Variants in APEH observed in about 807,000 individuals in gnomAD.
The protein encoded by APEH is acylaminoacyl-peptide hydrolase.
APEH carries 75 observed loss-of-function variants against 102.7 expected under a neutral mutation model. The ratio of observed to expected loss-of-function variants is 0.73; its 90% CI spans 0.61 to 0.89. The LOEUF is 0.89. Among genes scored for constraint, APEH ranks in the 40% least tolerant of loss-of-function variants. APEH has a pLI of 0.00. For missense variants in APEH, 863 were observed against 941.2 expected (o/e 0.92, Z 1.09); for synonymous variants, 344 against 362.7 (o/e 0.95, Z 0.59).
At position 49,677,043 on chromosome 3, in the gene APEH, G is replaced by A. The variant is rs1461460031; in HGVS notation, c.999+19G>A. The A allele has an allele frequency of 2.5e-6, 4 of 1,613,770 alleles. No individual in the cohort carries two copies. The highest frequency in any genetic ancestry group is 1.3e-5 in the African/African-American group (1 of 74,944). On this transcript the variant is annotated intron_variant, in intron 10 of 21. Coordinates refer to ENST00000296456, the MANE Select transcript of APEH (RefSeq NM_001640.4). ...GTGCCTGGTGAGCTGGAGGTGGCAG[G>A]GATGGGAGGGTGGTCAGCAAGAAGA... is the stretch of plus-strand genomic sequence containing the variant.
chr3:49,681,544 G>C (rs572062070), intron 15 of APEH, among the ~76,000 whole-genome samples, 178 bp from the exon 16 acceptor site: 1 of 152,220 alleles, frequency 6.6e-6, no homozygotes, highest in Non-Finnish European at 1.5e-5. Context: ...GCTGCAGGAT[G>C]GGGTTCCCTG....
rs1468191985 is a variant in APEH at position 49,682,528 on chromosome 3, C to T, written c.1693-18C>T. ...TGAGCGGGCAGCTGGCTGCAGCATG[C>T]TTTGTCCCACCCTGCAGTTTGCAGT... On this transcript the variant is annotated intron_variant, in intron 18 of 21. Transcript: ENST00000296456. The T allele has an allele frequency of 1.2e-6, 2 of 1,613,682 alleles. No homozygotes were observed. Among genetic ancestry groups the T allele is most frequent in the African/African-American group, 2.7e-5 (2 of 74,930 alleles).
chr3:49,683,637 A>AGTG lies in APEH; in HGVS notation c.*296_*298dup, dbSNP rs767889411. 9 of 480,824 alleles carry AGTG rather than the reference A, an allele frequency of 1.9e-5. No individual in the cohort carries two copies. Among genetic ancestry groups the AGTG allele is most frequent in the East Asian group, 1.6e-4 (4 of 24,920 alleles). 29.8% of individuals were successfully genotyped at this position (480,824 alleles called of 1,614,324 possible). A position where few individuals can be genotyped will look rare whatever the true frequency, so the allele number is the denominator to read the frequency against. On this transcript the variant is annotated 3_prime_UTR_variant, in exon 22 of 22. Coordinates refer to ENST00000296456, the MANE Select transcript of APEH (RefSeq NM_001640.4). ...CCTCCAGTGTGAGAAGGGAGGGAAC[A>AGTG]GTGAGAGGCTTAGCCTCTGCCTGTC...
At chr3:49,680,503 G>A in intron 13 of APEH, 38 bp from the exon 14 acceptor site, 2 of 1,557,218 alleles carry the variant, frequency 1.3e-6, no homozygotes, top group Non-Finnish European at 1.8e-6. Context: ...AAAGGTGATG[G>A]CTCCTGCTAA....
At chr3:49,677,433 C>A in intron 10 of APEH, 140 bp from the exon 11 acceptor site, 1 of 810,316 alleles carries the variant, frequency 1.2e-6, no homozygotes, top group South Asian at 1.5e-5. Flanking sequence ...TCCAGGTCAC[C>A]AGAAAAGAGA....
chr3:49,681,685 T>A (rs1378919227), intron 15 of APEH, 37 bp from the exon 16 acceptor site: 1 of 1,501,804 alleles, frequency 6.7e-7, no homozygotes, highest in Non-Finnish European at 9.0e-7. Context: ...GGGAAGCCCC[T>A]AGGCTCACCC....
Position 49,679,596 on chromosome 3 carries a change from C to G in APEH, c.1162C>G (p.Leu388Val), listed in dbSNP as rs1164777072. 2.5e-6 allele frequency: 4 copies of G among 1,613,786 alleles called. No individual in the cohort carries two copies. Among genetic ancestry groups the G allele is most frequent in the Non-Finnish European group, 3.4e-6 (4 of 1,179,854 alleles). The part of the protein sequence containing the change: ...FDSAQRSRQD[L>V]FAVDTQVGTV... ...TGTGGCCTTGCCTCTGCTTCAGGACCTGTTTGCTGTGGACACCCAAGTGGG... is the reference window on the plus strand; with the variant it reads ...TGTGGCCTTGCCTCTGCTTCAGGACGTGTTTGCTGTGGACACCCAAGTGGG... The change falls in exon 13 of 22, where the codon CTG becomes GTG. Residue 388 changes from leucine (L) to valine (V), a missense_variant. Leu to Val is a conservative substitution (Grantham distance 32). Coordinates refer to ENST00000296456, the MANE Select transcript of APEH (RefSeq NM_001640.4). This position sits in a 1 kb window ranked among gnomAD's most constrained non-coding sequence, Gnocchi z 4.3.
Position 49,677,621 on chromosome 3 carries a change from C to G in APEH, c.1048C>G (p.Arg350Gly), listed in dbSNP as rs755624130. Residue 350 changes from arginine (R) to glycine (G), a missense_variant, in exon 11 of 22, where the codon CGG becomes GGG. Transcript: ENST00000296456. ...CTCAGTGGTGGTAGATGTTGTGCCT[C>G]GGCAGCTGGGAGGTAAGGCATACCT... ...VTSVVVDVVPRQLGENFSGIY... is the reference protein window; with the variant it reads ...VTSVVVDVVPGQLGENFSGIY... 1.2e-6 allele frequency: 2 copies of G among 1,613,628 alleles called. No homozygotes were observed. Among genetic ancestry groups the G allele is most frequent in the African/African-American group, 1.3e-5 (1 of 74,910 alleles).
intron 2 of APEH, 87 bp downstream of exon 2, chr3:49,674,708 G>A: frequency 6.6e-7 from 1 of 1,513,086 alleles, no homozygotes. Flanking sequence ...CTGCTTGACA[G>A]TGCGTAAGGG....
At chr3:49,674,658 C>A in intron 2 of APEH, 37 bp downstream of exon 2, 1 of 1,581,056 alleles carries the variant, frequency 6.3e-7, no homozygotes, top group South Asian at 1.1e-5. Context: ...GCGACGGGGT[C>A]GCGCACTGGG....
chr3:49,681,070 C>T, intron 14 of APEH, 31 bp from the exon 15 acceptor site: 11 of 1,533,428 alleles, frequency 7.2e-6, no homozygotes, highest in Non-Finnish European at 9.7e-6. Flanking sequence ...GGCAGCCAGG[C>T]CACCTATGAC....
rs763370321 is a variant in APEH, at chr3:49,678,977, CAGCCCCTGTGGTCAACCCCCAGG to C, written c.1158+34_1158+56del. On this transcript the variant is annotated intron_variant, in intron 12 of 21. Transcript: ENST00000296456. ...GAGGGACGCTGATTGTGTTGAGGGG[CAGCCCCTGTGGTCAACCCCCAGG>C]AGCCCTGGGGGTTGCATGTGCATGC... 3 of 1,591,448 alleles carry C rather than the reference CAGCCCCTGTGGTCAACCCCCAGG, an allele frequency of 1.9e-6. No homozygotes were observed. In the Admixed American group the frequency reaches 5.0e-5, roughly 27 times the overall value.
intron 3 of APEH, 80 bp from the exon 4 acceptor site, chr3:49,675,614 C>G (rs114468669): frequency 6.5e-6 from 9 of 1,380,742 alleles, no homozygotes; most frequent in Non-Finnish European, 9.3e-6. Flanking sequence ...TCAAGAATCT[C>G]TCCTAAGAGG....
At chr3:49,680,184 TACAACTGCTTGGACAC>T in intron 13 of APEH, 1 of 334,790 alleles carries the variant, frequency 3.0e-6, no homozygotes, top group South Asian at 2.6e-5. Flanking sequence ...CATCTCATTG[TACAACTGCTTGGACAC>T]CACTGCCCCA....
In APEH at chr3:49,676,464, T is replaced by G; in HGVS notation, c.693T>G (p.Ser231Arg). The change falls in exon 7 of 22, where the codon AGT becomes AGG. Residue 231 changes from serine to arginine, a missense_variant. Physicochemically the swap from Ser to Arg is moderately radical, Grantham distance 110 (BLOSUM62 -1). Transcript: ENST00000296456. ...TGCTCTGCGTGCTGGATGTCGAGAG[T>G]GGCAACATCTCTGTGCTTGAGGGGG... ...IPVLCVLDVESGNISVLEGVP... is the reference protein window; with the variant it reads ...IPVLCVLDVERGNISVLEGVP... 6.2e-7 allele frequency: 1 copy of G among 1,614,190 alleles called. No homozygotes were observed. Among genetic ancestry groups the G allele is most frequent in the Non-Finnish European group, 8.5e-7 (1 of 1,180,024 alleles).
chr3:49,682,610 G>C lies in APEH; in HGVS notation c.1757G>C (p.Gly586Ala). Residue 586 changes from glycine (G) to alanine (A), a missense_variant, in exon 19 of 22, where the codon GGT becomes GCT. Transcript: ENST00000296456. ...GCAAGCCATGTGGCCCTTATGGGTG[G>C]TTCCCATGGTGGCTTCATTTCCTGC... The part of the protein sequence containing the change: ...FDASHVALMG[G>A]SHGGFISCHL... The C allele has an allele frequency of 1.2e-6, 2 of 1,614,122 alleles. No individual in the cohort carries two copies. Among genetic ancestry groups the C allele is most frequent in the Non-Finnish European group, 1.7e-6 (2 of 1,180,036 alleles).
In APEH at chr3:49,678,873, G is replaced by A; in HGVS notation, c.1082G>A (p.Cys361Tyr). The change falls in exon 12 of 22, where the codon TGC becomes TAC. Residue 361 changes from cysteine (C) to tyrosine (Y), a missense_variant. By Grantham distance (194) the Cys-to-Tyr change is radical. Coordinates refer to ENST00000296456, the MANE Select transcript of APEH (RefSeq NM_001640.4). ...QLGENFSGIY[C>Y]SLLPLGCWSA... ...ACAGAGAACTTCTCTGGGATCTACT[G>A]CAGCCTTCTGCCTTTGGGATGCTGG... 1.2e-6 allele frequency: 2 copies of A among 1,613,808 alleles called. No homozygotes were observed. Among genetic ancestry groups the A allele is most frequent in the Non-Finnish European group, 8.5e-7 (1 of 1,179,872 alleles).
Position 49,674,635 on chromosome 3 carries a change from G to C in APEH, c.145+14G>C. 2 of 1,587,328 alleles carry C rather than the reference G, an allele frequency of 1.3e-6. No homozygotes were observed. The highest frequency in any genetic ancestry group is 1.7e-6 in the Non-Finnish European group (2 of 1,176,132). On this transcript the variant is annotated intron_variant, in intron 2 of 21. Transcript: ENST00000296456. ...CGGTGCACACTGGTGTGTGTGCGAAGGGGAACTGGCTGGCGACGGGGTCGC... is the reference window on the plus strand; with the variant it reads ...CGGTGCACACTGGTGTGTGTGCGAACGGGAACTGGCTGGCGACGGGGTCGC...
chr3:49,677,464 T>A (rs959707787), intron 10 of APEH, 109 bp from the exon 11 acceptor site: 1 of 982,794 alleles, frequency 1.0e-6, no homozygotes, highest in African/African-American at 1.6e-5. Flanking sequence ...TTATTCCAGT[T>A]CCCCCATCTC....
Sources: allele counts gnomAD v4.1 joint callset (sites outside exome capture counted in the v4.1 genomes callset), GRCh38; gene constraint gnomAD v4.1.1; non-coding constraint Gnocchi (gnomAD v3.1); transcripts MANE v1.5; gene names NCBI Gene and HGNC (gene_info 2026-07-23, HGNC 2026-07-21).